SLC39A11: variants seen among roughly 807,000 people sequenced by gnomAD.
SLC39A11 encodes the protein solute carrier family 39 member 11.
SLC39A11 carries 33 observed loss-of-function variants against 36.1 expected under a neutral mutation model. The ratio of observed to expected loss-of-function variants is 0.91; its 90% CI spans 0.69 to 1.22. The LOEUF (loss-of-function observed/expected upper bound fraction) is 1.22. Among genes scored for constraint, SLC39A11 ranks in the 50% most tolerant of loss-of-function variants. The pLI is 0.00. For synonymous variants in SLC39A11, 166 were observed against 170.3 expected (o/e 0.97, Z 0.20); for missense variants, 432 against 430.3 (o/e 1.00, Z -0.03).
At chr17:72,905,779 A>T (rs1277806118) in intron 5 of SLC39A11, among the ~76,000 whole-genome samples, 6 of 150,562 alleles carry the variant, frequency 4.0e-5, no homozygotes, top group Admixed American at 4.0e-4. Context: ...TTTGAGACAG[A>T]GTCTCGCTCT....
chr17:72,824,524 A>T (rs2077932181), intron 6 of SLC39A11, among the ~76,000 whole-genome samples: 1 of 151,344 alleles, frequency 6.6e-6, no homozygotes, highest in East Asian at 1.9e-4. Flanking sequence ...TGACTTTGGA[A>T]CTGGGTAAAA....
At chr17:72,736,084 T>A (rs967059451) in intron 7 of SLC39A11, among the ~76,000 whole-genome samples, 5 of 152,144 alleles carry the variant, frequency 3.3e-5, no homozygotes, top group Non-Finnish European at 4.4e-5. Flanking sequence ...TTGGGTATCA[T>A]CAGCAAACAC....
chr17:72,765,960 G>A (rs554065886), intron 6 of SLC39A11, among the ~76,000 whole-genome samples: 11 of 152,280 alleles, frequency 7.2e-5, no homozygotes, highest in South Asian at 6.2e-4. Context: ...TACAGTCGGC[G>A]GATAGAGCTG....
intron 3 of SLC39A11, chr17:73,068,231 T>C: frequency 2.3e-6 from 2 of 864,600 alleles, no homozygotes; most frequent in Non-Finnish European, 3.7e-6. Context: ...CGTAAGTCCT[T>C]CCCCTCCAGT....
At chr17:72,716,986 T>G (rs1291967090) in intron 7 of SLC39A11, among the ~76,000 whole-genome samples, 1 of 129,574 alleles carries the variant, frequency 7.7e-6, no homozygotes, top group African/African-American at 3.2e-5. Context: ...AAAAAATATA[T>G]ATATATACAC....
In SLC39A11 at chr17:72,985,766, C is replaced by T. The variant is rs2088697609; in HGVS notation, c.307-37891G>A. Among the ~76,000 whole-genome samples the T allele has an allele frequency of 2.0e-5, 3 of 152,154 alleles. No individual in the cohort carries two copies. In the South Asian group the frequency reaches 6.2e-4, roughly 32 times the overall value. On this transcript the variant is annotated intron_variant, in intron 4 of 9. Coordinates refer to ENST00000255559, the MANE Select transcript of SLC39A11 (RefSeq NM_139177.4). ...TTTATTAATCTTCCTGCAATCGATG[C>T]CCTATCTCCCTGTGATGGGTTGAAC...
chr17:72,888,079 T>G (rs2081526919), intron 5 of SLC39A11, among the ~76,000 whole-genome samples: 1 of 152,244 alleles, frequency 6.6e-6, no homozygotes, highest in African/African-American at 2.4e-5. Flanking sequence ...TGATTTGAGA[T>G]GTCTCAAGAG....
At chr17:72,674,669 T>C (rs551728704) in intron 7 of SLC39A11, among the ~76,000 whole-genome samples, 1 of 152,216 alleles carries the variant, frequency 6.6e-6, no homozygotes, top group Non-Finnish European at 1.5e-5. Context: ...CAGCAAGGTA[T>C]GAGAGAGCCA....
At chr17:72,660,562 C>T (rs1328940182) in intron 7 of SLC39A11, among the ~76,000 whole-genome samples, 1 of 152,168 alleles carries the variant, frequency 6.6e-6, no homozygotes, top group African/African-American at 2.4e-5. Flanking sequence ...TCATGCAGAC[C>T]CATCGAACCA....
At chr17:72,878,247 C>T (rs1240921474) in intron 5 of SLC39A11, among the ~76,000 whole-genome samples, 2 of 152,134 alleles carry the variant, frequency 1.3e-5, no homozygotes, top group East Asian at 1.9e-4. Context: ...CAGGGCAGTC[C>T]GTCCCTAGAG....
intron 2 of SLC39A11, among the ~76,000 whole-genome samples, chr17:73,087,550 G>A (rs1271173398): frequency 6.6e-6 from 1 of 152,202 alleles, no homozygotes; most frequent in Non-Finnish European, 1.5e-5. Context: ...GGGTGATCTG[G>A]GTTGGAGAAA....
intron 6 of SLC39A11, among the ~76,000 whole-genome samples, chr17:72,763,101 A>G (rs148209186): frequency 3.0e-4 from 45 of 152,226 alleles, no homozygotes; most frequent in African/African-American, 1.0e-3. Flanking sequence ...CCACAACCTT[A>G]AAGCACATCA....
Position 72,768,129 on chromosome 17 carries a change from C to CA in SLC39A11, c.602-31411dup, listed in dbSNP as rs201538805. Reference sequence around the variant, plus strand: ...GGTGGAGCTATGGGTTTCAGACATGCAAAAAACCTGAAAAGATATCTCAAA... The same window carrying CA: ...GGTGGAGCTATGGGTTTCAGACATGCAAAAAAACCTGAAAAGATATCTCAAA... On this transcript the variant is annotated intron_variant, in intron 6 of 9. Transcript: ENST00000255559. Among the ~76,000 whole-genome samples the CA allele has an allele frequency of 9.8e-3, 1,487 of 152,090 alleles. 22 individuals carry two copies. Among genetic ancestry groups the CA allele is most frequent in the African/African-American group, 0.034 (1,393 of 41,494 alleles).
At chr17:72,921,214 C>A (rs1321000276) in intron 5 of SLC39A11, among the ~76,000 whole-genome samples, 3 of 152,166 alleles carry the variant, frequency 2.0e-5, no homozygotes, top group African/African-American at 7.2e-5. Flanking sequence ...GCTTAACAAA[C>A]CATAGGACTA....
At chr17:73,049,126 G>C (rs2059414490) in intron 3 of SLC39A11, among the ~76,000 whole-genome samples, 2 of 152,246 alleles carry the variant, frequency 1.3e-5, no homozygotes, top group South Asian at 4.1e-4. Flanking sequence ...CTGCGAGAGT[G>C]AGTCGGCAAG....
At chr17:72,719,584 C>T (rs1054764789) in intron 7 of SLC39A11, among the ~76,000 whole-genome samples, 11 of 152,198 alleles carry the variant, frequency 7.2e-5, no homozygotes, top group Non-Finnish European at 8.8e-5. Context: ...TTGTAACAAG[C>T]TGTTGGGGAG....
intron 4 of SLC39A11, among the ~76,000 whole-genome samples, chr17:73,006,954 A>G (rs2090219551): frequency 6.6e-6 from 1 of 152,154 alleles, no homozygotes; most frequent in South Asian, 2.1e-4. Flanking sequence ...TCTTTCCTGT[A>G]GCAAATCAGT....
chr17:72,967,909 C>T (rs1227950714), intron 4 of SLC39A11, among the ~76,000 whole-genome samples: 1 of 151,902 alleles, frequency 6.6e-6, no homozygotes, highest in East Asian at 1.9e-4. Context: ...TCTGCAGTCT[C>T]AGTTCTTTTC....
intron 6 of SLC39A11, among the ~76,000 whole-genome samples, chr17:72,775,939 G>A (rs2076117285): frequency 6.6e-6 from 1 of 152,200 alleles, no homozygotes; most frequent in Non-Finnish European, 1.5e-5. Context: ...ACTGGCTCTT[G>A]TTCAGGTCCC....
Sources: gnomAD v4.1 joint callset for allele counts (sites outside exome capture counted in the v4.1 genomes callset) on GRCh38, gnomAD v4.1.1 for gene constraint, MANE v1.5 for transcripts, NCBI Gene and HGNC (gene_info 2026-07-23, HGNC 2026-07-21) for gene names.